The following PPM1E variants were observed in gnomAD, a reference collection of about 807,000 sequenced individuals.
PPM1E encodes protein phosphatase, Mg2+/Mn2+ dependent 1E, also known as protein phosphatase 1E.
Under a neutral mutation model 65.9 loss-of-function variants are expected in PPM1E, and 20 were observed. The ratio of observed to expected loss-of-function variants is 0.30; its 90% CI spans 0.21 to 0.44. PPM1E has a LOEUF of 0.44. Among genes scored for constraint, PPM1E ranks in the 20% least tolerant of loss-of-function variants. The pLI, the probability that PPM1E is intolerant of heterozygous loss-of-function variation, is 1.00. For synonymous variants in PPM1E, 352 were observed against 374.9 expected, an observed-to-expected ratio of 0.94 and a Z score of 0.70; for missense variants, 713 against 953.1, an observed-to-expected ratio of 0.75 and a Z score of 3.32.
intron 2 of PPM1E, among the ~76,000 whole-genome samples, chr17:58,959,982 G>A (rs1024891649): frequency 1.6e-4 from 24 of 152,056 alleles, no homozygotes; most frequent in Admixed American, 8.5e-4. Flanking sequence ...TATCTTGGAC[G>A]TCACATTTAT....
intron 1 of PPM1E, among the ~76,000 whole-genome samples, chr17:58,824,272 G>A (rs2050509640): frequency 1.3e-5 from 2 of 152,002 alleles, no homozygotes; most frequent in South Asian, 4.1e-4. Context: ...TCTGTAGGTT[G>A]TCCTAAATAT....
chr17:58,920,042 A>G (rs1023557249), intron 1 of PPM1E, among the ~76,000 whole-genome samples: 40 of 152,184 alleles, frequency 2.6e-4, no homozygotes, highest in Admixed American at 2.6e-3. Context: ...GTTTATCTAT[A>G]AAAGTGGTAA....
At chr17:58,766,662 A>G (rs1237640043) in intron 1 of PPM1E, among the ~76,000 whole-genome samples, 1 of 152,098 alleles carries the variant, frequency 6.6e-6, no homozygotes, top group Non-Finnish European at 1.5e-5. Context: ...CTAAAATGCT[A>G]AAGGGCAAGA....
chr17:58,795,744 T>TGGTA (rs1362160863), intron 1 of PPM1E, among the ~76,000 whole-genome samples: 1 of 152,162 alleles, frequency 6.6e-6, no homozygotes, highest in Non-Finnish European at 1.5e-5. Context: ...TGGTGTGAGA[T>TGGTA]GGTATCTCAT....
At chr17:58,856,180 C>G (rs767826409) in intron 1 of PPM1E, among the ~76,000 whole-genome samples, 1 of 151,892 alleles carries the variant, frequency 6.6e-6, no homozygotes, top group Non-Finnish European at 1.5e-5. Context: ...GCTAATAATT[C>G]TCTGGAAAAT....
chr17:58,893,776 T>C (rs2051377547), intron 1 of PPM1E, among the ~76,000 whole-genome samples: 2 of 152,130 alleles, frequency 1.3e-5, no homozygotes, highest in Non-Finnish European at 2.9e-5. Context: ...AGACTGCTCT[T>C]AAAGTCTGTT....
chr17:58,788,243 G>C (rs1311113238), intron 1 of PPM1E, among the ~76,000 whole-genome samples: 1 of 152,012 alleles, frequency 6.6e-6, no homozygotes, highest in Non-Finnish European at 1.5e-5. Context: ...TAGAGACGAG[G>C]TTTCACCGTG....
In PPM1E at chr17:58,981,144, G is replaced by A; in HGVS notation, c.*113G>A. 1 of 720,358 alleles carries A rather than the reference G, an allele frequency of 1.4e-6. No individual in the cohort carries two copies. Among genetic ancestry groups the A allele is most frequent in the Non-Finnish European group, 2.2e-6 (1 of 446,448 alleles). 44.6% of individuals were successfully genotyped at this position (720,358 alleles called of 1,614,324 possible). ...GTGCTTCATTATGAATCCATGGATG[G>A]CTCAATTCTTAAATGTAAATAGATC... On this transcript the variant is annotated 3_prime_UTR_variant, in exon 7 of 7. Coordinates refer to ENST00000308249, the MANE Select transcript of PPM1E (RefSeq NM_014906.5).
At chr17:58,806,423 A>G (rs1448836825) in intron 1 of PPM1E, among the ~76,000 whole-genome samples, 2 of 151,776 alleles carry the variant, frequency 1.3e-5, no homozygotes, top group Non-Finnish European at 2.9e-5. Context: ...CTAACTAATA[A>G]ATGGTAAAAA....
intron 1 of PPM1E, among the ~76,000 whole-genome samples, chr17:58,878,914 A>G (rs1008464128): frequency 6.6e-6 from 1 of 151,946 alleles, no homozygotes; most frequent in South Asian, 2.1e-4. Flanking sequence ...CTAAAAAAAA[A>G]AAAGAAAAAA....
In PPM1E at chr17:58,805,597, G is replaced by A. The variant is rs78214245; in HGVS notation, c.464+49136G>A. 2.0e-3 allele frequency among the ~76,000 whole-genome samples: 303 copies of A among 152,046 alleles called. 6 individuals are homozygous for A. In the East Asian group the frequency reaches 0.054, roughly 27 times the overall value. ...TCACCCCCTATTATTACTGAATGAT[G>A]CCATTATCATTATATAGATACACAG... On this transcript the variant is annotated intron_variant, in intron 1 of 6. Coordinates refer to ENST00000308249, the MANE Select transcript of PPM1E (RefSeq NM_014906.5).
intron 6 of PPM1E, among the ~76,000 whole-genome samples, chr17:58,978,392 G>T (rs114086112): frequency 1.3e-5 from 2 of 151,928 alleles, no homozygotes; most frequent in East Asian, 3.9e-4. Context: ...CCTGTGTGTG[G>T]TTTTGTTTTT....
intron 1 of PPM1E, among the ~76,000 whole-genome samples, chr17:58,825,360 A>G (rs534276386): frequency 6.6e-6 from 1 of 152,058 alleles, no homozygotes; most frequent in Admixed American, 6.5e-5. Flanking sequence ...TTTTGAGCCC[A>G]GGAGTTTGAG....
intron 1 of PPM1E, among the ~76,000 whole-genome samples, chr17:58,843,143 C>T (rs537092532): frequency 9.4e-4 from 143 of 151,468 alleles, no homozygotes; most frequent in South Asian, 1.5e-3. Flanking sequence ...AAAAATTAGT[C>T]GGGCATGGTG....
At chr17:58,972,410 G>A (rs905860672) in intron 5 of PPM1E, 135 bp downstream of exon 5, 40 of 971,768 alleles carry the variant, frequency 4.1e-5, no homozygotes, top group Non-Finnish European at 1.5e-5. Flanking sequence ...GAGTGCAATG[G>A]TGTGATCTTG....
At chr17:58,897,207 G>A (rs2051430574) in intron 1 of PPM1E, among the ~76,000 whole-genome samples, 1 of 152,118 alleles carries the variant, frequency 6.6e-6, no homozygotes, top group Non-Finnish European at 1.5e-5. Flanking sequence ...GAGGTCAGGA[G>A]ATCGAGACCA....
chr17:58,922,410 A>C (rs563729849), intron 1 of PPM1E, among the ~76,000 whole-genome samples: 8 of 151,954 alleles, frequency 5.3e-5, no homozygotes, highest in African/African-American at 1.9e-4. Context: ...GTGCCACCAC[A>C]TCTGGCTAAT....
At chr17:58,769,290 T>C (rs1039466139) in intron 1 of PPM1E, among the ~76,000 whole-genome samples, 5 of 152,152 alleles carry the variant, frequency 3.3e-5, no homozygotes, top group African/African-American at 1.2e-4. Context: ...CCTGTTTTTT[T>C]TGGTTCTTTA....
intron 6 of PPM1E, among the ~76,000 whole-genome samples, chr17:58,975,893 G>C (rs1015164475): frequency 2.0e-5 from 3 of 152,178 alleles, no homozygotes; most frequent in African/African-American, 7.2e-5. Flanking sequence ...AAGGAATATG[G>C]AGGAGGGTAT....
Sources: allele counts gnomAD v4.1 joint callset (sites outside exome capture counted in the v4.1 genomes callset), GRCh38; gene constraint gnomAD v4.1.1; transcripts MANE v1.5; gene names NCBI Gene and HGNC (gene_info 2026-07-23, HGNC 2026-07-21).